The following EBF3 variants were observed in gnomAD, a reference collection of about 807,000 sequenced individuals.
EBF3 encodes the protein transcription factor COE3.
Under a neutral mutation model 77.1 loss-of-function variants are expected in EBF3, and 18 were observed. The ratio of observed to expected loss-of-function variants is 0.23; its 90% confidence interval spans 0.16 to 0.35. EBF3 has a LOEUF of 0.35. Ranked by LOEUF, EBF3 falls within the 10% of genes least tolerant of loss-of-function variation. The probability of loss-of-function intolerance (pLI) is 1.00; values close to 1 mark genes in which losing one functional copy is unlikely to be tolerated. For missense variants in EBF3, 558 were observed against 860.0 expected (o/e 0.65, Z 4.39); for synonymous variants, 350 against 343.5 (o/e 1.02, Z -0.21).
At chr10:129,876,032 T>A (rs749849698) in intron 7 of EBF3, among the ~76,000 whole-genome samples, 112 of 152,254 alleles carry the variant, frequency 7.4e-4, no homozygotes, top group Non-Finnish European at 5.0e-4. Context: ...AAAAACAAAT[T>A]TAAAAAGTTT....
At position 129,942,475 on chromosome 10, in the gene EBF3, A is replaced by G. The variant is rs569985523; in HGVS notation, c.554+14783T>C. On this transcript the variant is annotated intron_variant, in intron 6 of 16. Coordinates refer to ENST00000440978, the MANE Select transcript of EBF3 (RefSeq NM_001375380.1). ...ACTGTGTTCACCTACCCAGAGCACC[A>G]GCCCCAGTGGTCCTGCAAGAGCGTC... is the stretch of plus-strand genomic sequence containing the variant. Among the ~76,000 whole-genome samples, 6 of 152,358 alleles carry G rather than the reference A, an allele frequency of 3.9e-5. No individual in the cohort carries two copies. In the South Asian group the frequency reaches 1.2e-3, roughly 32 times the overall value.
At chr10:129,858,489 T>G (rs1265680236) in intron 10 of EBF3, among the ~76,000 whole-genome samples, 1 of 152,134 alleles carries the variant, frequency 6.6e-6, no homozygotes, top group Non-Finnish European at 1.5e-5. Flanking sequence ...GTTTCTGCAG[T>G]GTGAGCATGT....
rs1259540773 is a variant in EBF3, at chr10:129,944,464, G to C, written c.554+12794C>G. On this transcript the variant is annotated intron_variant, in intron 6 of 16. Transcript: ENST00000440978. The surrounding 1 kb of genome is among the most constrained non-coding windows in gnomAD (Gnocchi z 5.1). ...AACCTGCAGAAGTTTTTAATCATAA[G>C]GTAAATCAAGACCTGGAACATAAGT... 6.6e-6 allele frequency among the ~76,000 whole-genome samples: 1 copy of C among 152,316 alleles called. No homozygotes were observed. Among genetic ancestry groups the C allele is most frequent in the East Asian group, 1.9e-4 (1 of 5,190 alleles).
At position 129,943,008 on chromosome 10, in the gene EBF3, G is replaced by GC. The variant is rs1275753627; in HGVS notation, c.554+14249_554+14250insG. Among the ~76,000 whole-genome samples the GC allele has an allele frequency of 6.6e-6, 1 of 152,192 alleles. No homozygotes were observed. The highest frequency in any genetic ancestry group is 1.5e-5 in the Non-Finnish European group (1 of 68,032). On this transcript the variant is annotated intron_variant, in intron 6 of 16. Coordinates refer to ENST00000440978, the MANE Select transcript of EBF3 (RefSeq NM_001375380.1). The surrounding 1 kb of genome is among the most constrained non-coding windows in gnomAD (Gnocchi z 8.8). ...ACTTATGTACTGCTTTCTAATGGGT[G>GC]TTTTTCTCTGGATTCTAAGAGGAAG...
rs1360058579 is a variant in EBF3 at position 129,841,223 on chromosome 10, C to T, written c.1373-191G>A. ...CCTGCTGCCACTGTCTCACCGTGAG[C>T]CCCATCCTGTCTCTGCTGGCTTCAA... On this transcript the variant is annotated intron_variant, in intron 13 of 16. Coordinates refer to ENST00000440978, the MANE Select transcript of EBF3 (RefSeq NM_001375380.1). The surrounding 1 kb of genome is among the most constrained non-coding windows in gnomAD (Gnocchi z 4.6). Among the ~76,000 whole-genome samples the T allele has an allele frequency of 6.6e-6, 1 of 152,206 alleles. No homozygotes were observed. The highest frequency in any genetic ancestry group is 6.5e-5 in the Admixed American group (1 of 15,286).
At chr10:129,892,812 A>AG (rs1242430339) in intron 6 of EBF3, among the ~76,000 whole-genome samples, 2 of 152,248 alleles carry the variant, frequency 1.3e-5, no homozygotes, top group Non-Finnish European at 2.9e-5. Context: ...AGGCATAACA[A>AG]GCCAGCTTGA....
intron 10 of EBF3, among the ~76,000 whole-genome samples, chr10:129,853,594 G>A (rs1851044290): frequency 6.6e-6 from 1 of 152,202 alleles, no homozygotes; most frequent in African/African-American, 2.4e-5. Flanking sequence ...TTAAGGCAAT[G>A]GGGATTGTTA....
At chr10:129,865,874 G>A (rs1254396671) in intron 10 of EBF3, among the ~76,000 whole-genome samples, 1 of 152,168 alleles carries the variant, frequency 6.6e-6, no homozygotes, top group Non-Finnish European at 1.5e-5. Flanking sequence ...AGGTGGTGAT[G>A]GCAGGAGTTG....
chr10:129,938,644 C>T lies in EBF3; in HGVS notation c.554+18614G>A, dbSNP rs1253997709. On this transcript the variant is annotated intron_variant, in intron 6 of 16. Coordinates refer to ENST00000440978, the MANE Select transcript of EBF3 (RefSeq NM_001375380.1). This position sits in a 1 kb window ranked among gnomAD's most constrained non-coding sequence, Gnocchi z 5.1. ...TTTTGATGGGCAGCCCAGGCAGGCACGAGCAGAACGCTCCTCCTCCTTGGC... is the reference window on the plus strand; with the variant it reads ...TTTTGATGGGCAGCCCAGGCAGGCATGAGCAGAACGCTCCTCCTCCTTGGC... Among the ~76,000 whole-genome samples, 2 of 152,218 alleles carry T rather than the reference C, an allele frequency of 1.3e-5. No individual in the cohort carries two copies. The highest frequency in any genetic ancestry group is 6.5e-5 in the Admixed American group (1 of 15,286).
intron 6 of EBF3, among the ~76,000 whole-genome samples, chr10:129,942,284 C>G (rs548424729): frequency 2.0e-5 from 3 of 152,290 alleles, no homozygotes; most frequent in African/African-American, 7.2e-5. Flanking sequence ...GTCCAGGACC[C>G]TTCTTTAGCC....
At chr10:129,902,104 G>A (rs1854826352) in intron 6 of EBF3, among the ~76,000 whole-genome samples, 1 of 152,178 alleles carries the variant, frequency 6.6e-6, no homozygotes, top group African/African-American at 2.4e-5. Flanking sequence ...TGCAACTGGG[G>A]AAGTTTTCGG....
At position 129,963,858 on chromosome 10, in the gene EBF3, C is replaced by T; in HGVS notation, c.-90G>A. 5 of 1,319,392 alleles carry T rather than the reference C, an allele frequency of 3.8e-6. No homozygotes were observed. Among genetic ancestry groups the T allele is most frequent in the South Asian group, 1.6e-5 (1 of 62,714 alleles). 81.7% of individuals were successfully genotyped at this position (1,319,392 alleles called of 1,614,324 possible). On this transcript the variant is annotated 5_prime_UTR_variant, in exon 1 of 17. Coordinates refer to ENST00000440978, the MANE Select transcript of EBF3 (RefSeq NM_001375380.1). This position sits in a 1 kb window ranked among gnomAD's most constrained non-coding sequence, Gnocchi z 7.1. ...GCTTGGCGGCAGGCGGCTGCCCTGGCCGCCCTCGCCCTGCTCGGCGCCTGC... is the reference window on the plus strand; with the variant it reads ...GCTTGGCGGCAGGCGGCTGCCCTGGTCGCCCTCGCCCTGCTCGGCGCCTGC...
At chr10:129,910,001 C>T (rs987649468) in intron 6 of EBF3, among the ~76,000 whole-genome samples, 15 of 152,330 alleles carry the variant, frequency 9.8e-5, no homozygotes, top group African/African-American at 2.6e-4. Flanking sequence ...TGCTCAGCGC[C>T]GATGACAGAT....
chr10:129,958,054 T>C (rs1859172253), intron 5 of EBF3, among the ~76,000 whole-genome samples: 1 of 152,264 alleles, frequency 6.6e-6, no homozygotes, highest in East Asian at 1.9e-4. Flanking sequence ...CTGTGCGCTT[T>C]CTATGTTAAT....
At chr10:129,865,043 A>C (rs1322361738) in intron 10 of EBF3, among the ~76,000 whole-genome samples, 8 of 152,148 alleles carry the variant, frequency 5.3e-5, no homozygotes, top group Admixed American at 4.6e-4. Context: ...GTCTGCAAAC[A>C]CCAGGTCTTT....
intron 6 of EBF3, 112 bp from the exon 7 acceptor site, chr10:129,877,961 C>T: frequency 1.2e-6 from 1 of 805,814 alleles, no homozygotes; most frequent in Non-Finnish European, 1.9e-6. Flanking sequence ...CCACAGCTTC[C>T]ACACTTCCCT....
At chr10:129,888,763 T>G (rs1589794738) in intron 6 of EBF3, among the ~76,000 whole-genome samples, 1 of 152,266 alleles carries the variant, frequency 6.6e-6, no homozygotes, top group Non-Finnish European at 1.5e-5. Context: ...GAAGAACATT[T>G]GGCAACAGTA....
At chr10:129,957,179 A>T in intron 6 of EBF3, 79 bp downstream of exon 6, 2 of 1,300,332 alleles carry the variant, frequency 1.5e-6, no homozygotes, top group Non-Finnish European at 2.2e-6. Flanking sequence ...AAAAATATGG[A>T]GCAACTGGAA....
intron 6 of EBF3, among the ~76,000 whole-genome samples, chr10:129,907,455 G>A (rs950107330): frequency 1.3e-5 from 2 of 152,162 alleles, no homozygotes; most frequent in Admixed American, 6.5e-5. Flanking sequence ...AATTTGATTA[G>A]GTGACGACAA....
Sources: allele counts gnomAD v4.1 joint callset (sites outside exome capture counted in the v4.1 genomes callset), GRCh38; gene constraint gnomAD v4.1.1; non-coding constraint Gnocchi (gnomAD v3.1); transcripts MANE v1.5; gene names NCBI Gene and HGNC (gene_info 2026-07-23, HGNC 2026-07-21).